The following FXR1 variants were observed in gnomAD, a reference collection of about 807,000 sequenced individuals.
FXR1 encodes the protein RNA-binding protein FXR1.
A neutral mutation model predicts 84.0 loss-of-function variants in FXR1; 15 were observed. That is an observed-to-expected ratio of 0.18 (90% CI 0.12 to 0.27). The LOEUF (loss-of-function observed/expected upper bound fraction) is 0.27, where lower values mean the gene tolerates loss of function less well. Ranked by LOEUF, FXR1 falls within the 10% of genes least tolerant of loss-of-function variation. The probability of loss-of-function intolerance (pLI) is 1.00; values close to 1 mark genes in which losing one functional copy is unlikely to be tolerated. For missense variants in FXR1, 480 were observed against 774.4 expected (o/e 0.62, Z 4.51); for synonymous variants, 245 against 250.7 (o/e 0.98, Z 0.21).
chr3:180,916,653 C>T (rs1717928919), intron 1 of FXR1, among the ~76,000 whole-genome samples: 2 of 152,150 alleles, frequency 1.3e-5, no homozygotes, highest in African/African-American at 2.4e-5. Context: ...AATGATCGCC[C>T]TCCTCGGCCT....
intron 1 of FXR1, chr3:180,915,385 TA>T: frequency 1.5e-6 from 1 of 669,676 alleles, no homozygotes; most frequent in East Asian, 2.8e-5. Context: ...TCTGTCCCCA[TA>T]GTTTTTCTTA....
At chr3:180,938,572 G>T (rs528718631) in intron 3 of FXR1, among the ~76,000 whole-genome samples, 177 of 152,164 alleles carry the variant, frequency 1.2e-3, no homozygotes, top group African/African-American at 4.0e-3. Context: ...TTTTGAGATG[G>T]AGTTTTGCTC....
chr3:180,966,519 G>C (rs1280057425), intron 13 of FXR1, among the ~76,000 whole-genome samples: 1 of 152,150 alleles, frequency 6.6e-6, no homozygotes, highest in African/African-American at 2.4e-5. Flanking sequence ...GGAACTTCAA[G>C]GTATTTCATG....
intron 1 of FXR1, among the ~76,000 whole-genome samples, chr3:180,919,627 A>G (rs945222681): frequency 6.0e-5 from 9 of 151,002 alleles, no homozygotes; most frequent in African/African-American, 2.2e-4. Flanking sequence ...TATTTTAGGT[A>G]TATTAGGTTA....
At chr3:180,933,029 C>G in intron 1 of FXR1, 1 of 279,590 alleles carries the variant, frequency 3.6e-6, no homozygotes, top group Non-Finnish European at 6.6e-6. Flanking sequence ...AAATACTGAA[C>G]TCTTAGTCAC....
intron 1 of FXR1, among the ~76,000 whole-genome samples, chr3:180,927,015 A>G (rs544297592): frequency 1.9e-4 from 29 of 152,148 alleles, no homozygotes; most frequent in Admixed American, 9.2e-4. Context: ...CAAACATTAA[A>G]ATTTTCTTTC....
rs553522519 is a variant in FXR1, at chr3:180,968,225, C to T, written c.1373C>T (p.Pro458Leu). The T allele has an allele frequency of 1.2e-6, 2 of 1,611,272 alleles. No individual in the cohort carries two copies. The highest frequency in any genetic ancestry group is 2.2e-5 in the East Asian group (1 of 44,848). Residue 458 changes from proline (P) to leucine (L), a missense_variant, in exon 14 of 17, where the codon CCA becomes CTA. Transcript: ENST00000357559. ...SVSGGRGRGG[P>L]RGGKSSISSV... is the part of the protein sequence containing the mutation. ...TCAGGGGGTCGAGGTCGTGGTGGAC[C>T]ACGTGGTGGCAAATCCTCCATCAGT... is the stretch of plus-strand genomic sequence containing the variant.
At chr3:180,970,392 A>ATATG (rs755669428) in intron 15 of FXR1, 34 bp downstream of exon 15, 2 of 262,612 alleles carry the variant, frequency 7.6e-6, no homozygotes, top group Non-Finnish European at 1.4e-5. Context: ...AAATATATAT[A>ATATG]TATATATATA....
rs35677270 is a variant in FXR1, at chr3:180,954,987, ATTTTT to A, written c.880+1161_880+1165del. ...ACTGTTAGTATTTATGTAAAAATAA[ATTTTT>A]TTTTTTTTTTTTTGGAGATGGAGTC... On this transcript the variant is annotated intron_variant, in intron 9 of 16. Transcript: ENST00000357559. Among the ~76,000 whole-genome samples the A allele has an allele frequency of 4.5e-5, 6 of 132,706 alleles. No homozygotes were observed. The South Asian group carries it at 7.3e-4, about 16-fold the overall frequency. The allele number at this position is 132,706 out of a possible 152,430, so 87.1% of individuals were successfully genotyped here. A position where few individuals can be genotyped will look rare whatever the true frequency, so the allele number is the denominator to read the frequency against.
At position 180,948,421 on chromosome 3, in the gene FXR1, C is replaced by T; in HGVS notation, c.345C>T (p.Val115=). The change falls in exon 5 of 17, where the codon GTC becomes GTT. Residue 115 remains valine (V), a synonymous_variant. Coordinates refer to ENST00000357559, the MANE Select transcript of FXR1 (RefSeq NM_005087.4). ...TCACATTTGAACGACTTCGGCCTGT[C>T]AATCAAAATAAAACTGTCAAAAAAA... ...EIVTFERLRP[V]NQNKTVKKNT... The T allele has an allele frequency of 1.9e-6, 3 of 1,606,172 alleles. No individual in the cohort carries two copies. Among genetic ancestry groups the T allele is most frequent in the Middle Eastern group, 1.7e-4 (1 of 6,032 alleles).
At chr3:180,946,429 T>C (rs943514457) in intron 3 of FXR1, among the ~76,000 whole-genome samples, 13 of 152,234 alleles carry the variant, frequency 8.5e-5, no homozygotes, top group African/African-American at 3.1e-4. Flanking sequence ...ATATAATAAT[T>C]ACAGAATAAG....
chr3:180,931,026 CAAAAAAA>C lies in FXR1; in HGVS notation c.52-2293_52-2287del, dbSNP rs57731098. The stretch of plus-strand genomic sequence containing the variant: ...CCTGGGCAACAGAGCGAGACTGCCT[CAAAAAAA>C]AAAAAAAAAAAAAAGACGTGAATGT... On this transcript the variant is annotated intron_variant, in intron 1 of 16. Transcript: ENST00000357559. Among the ~76,000 whole-genome samples the C allele has an allele frequency of 1.9e-3, 104 of 55,636 alleles. 3 individuals are homozygous for C. Among genetic ancestry groups the C allele is most frequent in the African/African-American group, 5.7e-3 (96 of 16,746 alleles). 36.5% of individuals were successfully genotyped at this position (55,636 alleles called of 152,430 possible).
intron 4 of FXR1, 46 bp from the exon 5 acceptor site, chr3:180,948,301 T>C (rs1421479378): frequency 7.1e-7 from 1 of 1,405,452 alleles, no homozygotes; most frequent in Non-Finnish European, 9.9e-7. Context: ...TAAACTTCAT[T>C]ATTTTTGTTC....
rs1805621 is a variant in FXR1, at chr3:180,962,599, T to C, written c.1078-284T>C. 4.3e-3 allele frequency among the ~76,000 whole-genome samples: 659 copies of C among 152,352 alleles called. 4 individuals are homozygous for C. The highest frequency in any genetic ancestry group is 0.014 in the African/African-American group (600 of 41,590). On this transcript the variant is annotated intron_variant, in intron 11 of 16. Coordinates refer to ENST00000357559, the MANE Select transcript of FXR1 (RefSeq NM_005087.4). ...TGTTAGCTATTTAATAAATAACTTA[T>C]TTTAAAGCTGTCTGTTAAACATCCC...
intron 9 of FXR1, among the ~76,000 whole-genome samples, chr3:180,954,986 A>C (rs1358493738): frequency 7.0e-6 from 1 of 142,122 alleles, no homozygotes; most frequent in Non-Finnish European, 1.6e-5. Flanking sequence ...TGTAAAAATA[A>C]ATTTTTTTTT....
chr3:180,955,292 C>T (rs1722641680), intron 9 of FXR1, among the ~76,000 whole-genome samples: 1 of 152,054 alleles, frequency 6.6e-6, no homozygotes, highest in African/African-American at 2.4e-5. Flanking sequence ...ATCCACCGCG[C>T]CCGGATGTAA....
chr3:180,919,771 T>C (rs1415682355), intron 1 of FXR1, among the ~76,000 whole-genome samples: 1 of 152,062 alleles, frequency 6.6e-6, no homozygotes, highest in Non-Finnish European at 1.5e-5. Context: ...CCTCCCGGGT[T>C]CAAGCAATTC....
At chr3:180,914,721 T>G (rs761707389) in intron 1 of FXR1, 22 of 808,484 alleles carry the variant, frequency 2.7e-5, no homozygotes, top group Non-Finnish European at 3.3e-5. Context: ...TCTATACATA[T>G]CTACAATCTA....
intron 3 of FXR1, among the ~76,000 whole-genome samples, chr3:180,939,672 C>CT (rs1381568813): frequency 6.6e-5 from 10 of 152,174 alleles, no homozygotes; most frequent in Non-Finnish European, 1.5e-5. Context: ...TGTGTGAATA[C>CT]TTTATTAGCT....
Sources: allele counts gnomAD v4.1 joint callset (sites outside exome capture counted in the v4.1 genomes callset), GRCh38; gene constraint gnomAD v4.1.1; transcripts MANE v1.5; gene names NCBI Gene and HGNC (gene_info 2026-07-23, HGNC 2026-07-21).